Variants in RPH3A observed in about 807,000 individuals in gnomAD.
RPH3A encodes the protein rabphilin 3A.
Under a neutral mutation model 102.2 loss-of-function variants are expected in RPH3A, and 48 were observed. The ratio of observed to expected loss-of-function variants is 0.47; its 90% CI spans 0.37 to 0.60. RPH3A has a LOEUF of 0.60. Among genes scored for constraint, RPH3A ranks in the 20% least tolerant of loss-of-function variants. The pLI is 0.00. For synonymous variants in RPH3A, 310 were observed against 324.3 expected (o/e 0.96, Z 0.47); for missense variants, 781 against 910.1 (o/e 0.86, Z 1.83).
At chr12:112,775,222 CA>C (rs1358693066) in intron 1 of RPH3A, among the ~76,000 whole-genome samples, 1 of 151,498 alleles carries the variant, frequency 6.6e-6, no homozygotes. Flanking sequence ...AAAACAAAAA[CA>C]AAAAATCAAA....
At chr12:112,774,554 T>G (rs1053000902) in intron 1 of RPH3A, among the ~76,000 whole-genome samples, 3 of 152,146 alleles carry the variant, frequency 2.0e-5, no homozygotes, top group Non-Finnish European at 2.9e-5. Flanking sequence ...ACTTCTTACT[T>G]TGAAAGGTTT....
At chr12:112,738,179 ATAGT>A (rs2136052924) in intron 1 of RPH3A, among the ~76,000 whole-genome samples, 1 of 141,746 alleles carries the variant, frequency 7.1e-6, no homozygotes, top group African/African-American at 2.7e-5. Flanking sequence ...CTCTTCTTTT[ATAGT>A]TAGTTAATTA....
At chr12:112,596,246 A>G (rs1183377616) in intron 1 of RPH3A, among the ~76,000 whole-genome samples, 2 of 152,068 alleles carry the variant, frequency 1.3e-5, no homozygotes, top group African/African-American at 4.8e-5. Flanking sequence ...GACTCAAGTG[A>G]CCCTCCTACC....
At chr12:112,678,102 C>T (rs548815950) in intron 1 of RPH3A, among the ~76,000 whole-genome samples, 1 of 151,764 alleles carries the variant, frequency 6.6e-6, no homozygotes, top group Non-Finnish European at 1.5e-5. Context: ...GAGGCTGAGG[C>T]AGGAGAATCA....
At chr12:112,785,893 G>A (rs931524054) in intron 1 of RPH3A, among the ~76,000 whole-genome samples, 1 of 152,190 alleles carries the variant, frequency 6.6e-6, no homozygotes, top group Admixed American at 6.5e-5. Context: ...ATTCCTTGAG[G>A]ATAGGAGTCT....
chr12:112,812,787 G>A (rs1382433907), intron 2 of RPH3A, among the ~76,000 whole-genome samples: 1 of 152,182 alleles, frequency 6.6e-6, no homozygotes, highest in African/African-American at 2.4e-5. Context: ...TAATGTGTAT[G>A]TGCTACTGTC....
At chr12:112,868,792 T>G in intron 8 of RPH3A, 197 bp downstream of exon 8, 1 of 534,704 alleles carries the variant, frequency 1.9e-6, no homozygotes, top group Non-Finnish European at 3.2e-6. Flanking sequence ...CAGGGAACTC[T>G]CCAGCAATGC....
intron 1 of RPH3A, among the ~76,000 whole-genome samples, chr12:112,578,643 A>G (rs1475108465): frequency 6.6e-6 from 1 of 152,196 alleles, no homozygotes; most frequent in Non-Finnish European, 1.5e-5. Context: ...GATGGGTTCA[A>G]TAAGCTCCTA....
intron 2 of RPH3A, among the ~76,000 whole-genome samples, chr12:112,808,052 TA>T (rs2041502880): frequency 6.6e-6 from 1 of 152,186 alleles, no homozygotes; most frequent in Non-Finnish European, 1.5e-5. Flanking sequence ...ATCTGTTGGA[TA>T]AATAAACACT....
intron 1 of RPH3A, among the ~76,000 whole-genome samples, chr12:112,769,987 C>G (rs1471057123): frequency 6.6e-6 from 1 of 152,156 alleles, no homozygotes; most frequent in Non-Finnish European, 1.5e-5. Context: ...GAATGCATTT[C>G]TTCAAAGACT....
rs745320677 is a variant in RPH3A at position 112,869,961 on chromosome 12, C to A, written c.718C>A (p.Arg240=). 2 of 1,614,110 alleles carry A rather than the reference C, an allele frequency of 1.2e-6. No homozygotes were observed. The highest frequency in any genetic ancestry group is 8.5e-7 in the Non-Finnish European group (1 of 1,180,010). ...TCCCGTGCGCAGGGCCTCCGAGGCACGAATGAGCTCATCTAGCCGAGATTC... is the reference window on the plus strand; with the variant it reads ...TCCCGTGCGCAGGGCCTCCGAGGCAAGAATGAGCTCATCTAGCCGAGATTC... The part of the protein sequence containing the change: ...GPPVRRASEA[R]MSSSSRDSES... Residue 240 remains arginine (R), a synonymous_variant, in exon 10 of 22, where the codon CGA becomes AGA. Coordinates refer to ENST00000389385, the MANE Select transcript of RPH3A (RefSeq NM_001143854.2).
intron 1 of RPH3A, among the ~76,000 whole-genome samples, chr12:112,771,028 G>A (rs1056603713): frequency 2.0e-5 from 3 of 152,188 alleles, no homozygotes; most frequent in Non-Finnish European, 4.4e-5. Context: ...AGACAGGAAA[G>A]GTACAAGTGG....
chr12:112,709,778 G>A (rs77883098), intron 1 of RPH3A, among the ~76,000 whole-genome samples: 5,643 of 152,092 alleles, frequency 0.037, 250 homozygotes, highest in South Asian at 0.17. Flanking sequence ...GGATCTTCCC[G>A]GCGGACAACA....
intron 1 of RPH3A, among the ~76,000 whole-genome samples, chr12:112,656,851 T>C (rs2040016514): frequency 6.6e-6 from 1 of 152,032 alleles, no homozygotes; most frequent in Non-Finnish European, 1.5e-5. Flanking sequence ...CAATTATCCA[T>C]TGATGGACAC....
In RPH3A at chr12:112,678,305, G is replaced by GAA. The variant is rs1329663291; in HGVS notation, c.-140+102987_-140+102988insAA. On this transcript the variant is annotated intron_variant, in intron 1 of 21. Coordinates refer to the RPH3A transcript ENST00000543106. ...AGAAAGAAAGAAAGAAAGAAAGAAA[G>GAA]AGAGAGAGAGAGAAAGAAAGAAAGA... Among the ~76,000 whole-genome samples the GAA allele has an allele frequency of 3.5e-4, 39 of 111,936 alleles. 1 individual carries two copies. Among genetic ancestry groups the GAA allele is most frequent in the East Asian group, 9.2e-4 (3 of 3,260 alleles). 73.4% of individuals were successfully genotyped at this position (111,936 alleles called of 152,430 possible).
chr12:112,749,929 A>C (rs1444738672), intron 1 of RPH3A, among the ~76,000 whole-genome samples: 1 of 152,196 alleles, frequency 6.6e-6, no homozygotes, highest in East Asian at 1.9e-4. Context: ...CAAGGAGTCC[A>C]GATGTCTGTA....
At chr12:112,659,813 G>T (rs1011437079) in intron 1 of RPH3A, among the ~76,000 whole-genome samples, 4 of 152,060 alleles carry the variant, frequency 2.6e-5, no homozygotes, top group African/African-American at 9.7e-5. Context: ...GCTCTTTCAC[G>T]CTGACTCCTA....
rs561102951 is a variant in RPH3A, at chr12:112,645,498, G to T, written c.-140+70179G>T. ...TGAACCACTGGAGCAGAGCACTTAC[G>T]ACTGTGTTTTAAGATTATCACAAGA... On this transcript the variant is annotated intron_variant, in intron 1 of 21. Coordinates refer to the RPH3A transcript ENST00000543106. 7.9e-5 allele frequency among the ~76,000 whole-genome samples: 12 copies of T among 152,240 alleles called. No individual in the cohort carries two copies. The East Asian group carries it at 2.3e-3, about 29-fold the overall frequency.
intron 2 of RPH3A, among the ~76,000 whole-genome samples, chr12:112,806,707 C>T (rs1399018897): frequency 1.3e-5 from 2 of 151,906 alleles, no homozygotes; most frequent in Non-Finnish European, 2.9e-5. Flanking sequence ...AAATCCTCAT[C>T]TTCTAGTTGG....
Sources: gnomAD v4.1 joint callset for allele counts (sites outside exome capture counted in the v4.1 genomes callset) on GRCh38, gnomAD v4.1.1 for gene constraint, MANE v1.5 for transcripts, NCBI Gene and HGNC (gene_info 2026-07-23, HGNC 2026-07-21) for gene names.